PTDSS2: variants seen among roughly 807,000 people sequenced by gnomAD.
PTDSS2 encodes phosphatidylserine synthase 2, also known as PSS-2.
Under a neutral mutation model 64.7 loss-of-function variants are expected in PTDSS2, and 41 were observed. That is an observed-to-expected ratio of 0.63 (90% CI 0.49 to 0.82). The LOEUF is 0.82. PTDSS2 is among the 40% of genes least tolerant of loss of function. The pLI is 0.00. For missense variants in PTDSS2, 485 were observed against 650.0 expected, an observed-to-expected ratio of 0.75 and a Z score of 2.76; for synonymous variants, 297 against 277.8, an observed-to-expected ratio of 1.07 and a Z score of -0.69.
intron 2 of PTDSS2, among the ~76,000 whole-genome samples, chr11:465,983 G>A (rs762268666): frequency 3.3e-5 from 5 of 152,124 alleles, no homozygotes; most frequent in Admixed American, 6.6e-5. Context: ...TTAAGGGAAC[G>A]AAAAGGTGAG....
chr11:469,299 G>C (rs1170442333), intron 2 of PTDSS2, among the ~76,000 whole-genome samples: 20 of 101,820 alleles, frequency 2.0e-4, no homozygotes, highest in East Asian at 6.3e-4. Flanking sequence ...AGGAGGAGGG[G>C]AGTCTCTGGG....
At chr11:472,594 G>A (rs899557278) in intron 2 of PTDSS2, among the ~76,000 whole-genome samples, 7 of 152,096 alleles carry the variant, frequency 4.6e-5, no homozygotes, top group South Asian at 2.1e-4. Context: ...CCCTTGTCCC[G>A]GCTGCACCAG....
intron 1 of PTDSS2, among the ~76,000 whole-genome samples, chr11:457,248 A>G (rs901602428): frequency 7.2e-5 from 11 of 152,338 alleles, no homozygotes; most frequent in Middle Eastern, 3.4e-3. Context: ...ACCCACGTGC[A>G]GGTGACACGC....
rs774874893 is a variant in PTDSS2, at chr11:490,549, G to A, written c.1431G>A (p.Val477=). 79 of 1,609,240 alleles carry A rather than the reference G, an allele frequency of 4.9e-5. No homozygotes were observed. The Admixed American group carries it at 1.3e-3, about 27-fold the overall frequency. Reference sequence around the variant, plus strand: ...ACGAAGACCTGCTGGGGCCTGGGGTGGCCGAGGGCGAGGGAGCACCAACTC... The same window carrying A: ...ACGAAGACCTGCTGGGGCCTGGGGTAGCCGAGGGCGAGGGAGCACCAACTC... ...GLDEDLLGPG[V]AEGEGAPTPN is the part of the protein sequence containing the mutation. The change falls in exon 12 of 12, where the codon GTG becomes GTA. Residue 477 remains valine, a synonymous_variant. Transcript: ENST00000308020.
chr11:475,866 G>C (rs1332460364), intron 3 of PTDSS2, among the ~76,000 whole-genome samples: 1 of 152,204 alleles, frequency 6.6e-6, no homozygotes, highest in Admixed American at 6.5e-5. Context: ...AAACTAGGCT[G>C]TGGTGAATTT....
chr11:454,053 C>T (rs1049900459), intron 1 of PTDSS2, among the ~76,000 whole-genome samples: 33 of 152,238 alleles, frequency 2.2e-4, no homozygotes, highest in African/African-American at 7.7e-4. Context: ...TTGAGAGTCT[C>T]ATGCTATCTT....
Position 460,541 on chromosome 11 carries a change from C to T in PTDSS2, c.284+253C>T, listed in dbSNP as rs1240202478. The T allele has an allele frequency of 4.2e-6, 2 of 474,446 alleles. No homozygotes were observed. Among genetic ancestry groups the T allele is most frequent in the Non-Finnish European group, 7.7e-6 (2 of 259,142 alleles). 29.4% of individuals were successfully genotyped at this position (474,446 alleles called of 1,614,324 possible). On this transcript the variant is annotated intron_variant, in intron 2 of 11. Transcript: ENST00000308020. This position sits in a 1 kb window ranked among gnomAD's most constrained non-coding sequence, Gnocchi z 5.8. ...GTCTGTGTCATCTCCACGTGACCGGCAGCCTGTGCTGCGTTTCCTCTGAGT... is the reference window on the plus strand; with the variant it reads ...GTCTGTGTCATCTCCACGTGACCGGTAGCCTGTGCTGCGTTTCCTCTGAGT...
Position 487,789 on chromosome 11 carries a change from A to AG in PTDSS2, c.621+320dup, listed in dbSNP as rs1237037991. Among the ~76,000 whole-genome samples, 47 of 152,212 alleles carry AG rather than the reference A, an allele frequency of 3.1e-4. 1 individual carries two copies. Among genetic ancestry groups the AG allele is most frequent in the Admixed American group, 3.1e-3 (47 of 15,292 alleles). ...ACCCTGTGCTACCTATGGGGCTAAG[A>AG]GCAGTGCCTGCTTGACCCTGCAGCC... On this transcript the variant is annotated intron_variant, in intron 6 of 11. Coordinates refer to ENST00000308020, the MANE Select transcript of PTDSS2 (RefSeq NM_030783.3).
chr11:450,162 G>C (rs1004546482), upstream of PTDSS2: 1 of 307,238 alleles, frequency 3.3e-6, no homozygotes, highest in African/African-American at 2.2e-5. Flanking sequence ...CTCAGCCGCA[G>C]GGCGGTCCGG....
intron 1 of PTDSS2, among the ~76,000 whole-genome samples, chr11:457,326 C>T (rs1208300819): frequency 6.6e-6 from 1 of 152,266 alleles, no homozygotes; most frequent in Non-Finnish European, 1.5e-5. Flanking sequence ...GTCTCCGCTC[C>T]AGTCTGCTTT....
In PTDSS2 at chr11:462,571, G is replaced by A. The variant is rs1296600469; in HGVS notation, c.284+2283G>A. On this transcript the variant is annotated intron_variant, in intron 2 of 11. Transcript: ENST00000308020. The surrounding 1 kb of genome is among the most constrained non-coding windows in gnomAD (Gnocchi z 4.5). ...CTCTGGGCTCCTTCCTGGAAGGCTC[G>A]GCTGCCCCAGGTCACCCTGGCACTG... 6.6e-6 allele frequency among the ~76,000 whole-genome samples: 1 copy of A among 152,128 alleles called. No homozygotes were observed. The highest frequency in any genetic ancestry group is 6.5e-5 in the Admixed American group (1 of 15,278).
chr11:452,581 G>A (rs527826047), intron 1 of PTDSS2, among the ~76,000 whole-genome samples: 2 of 152,310 alleles, frequency 1.3e-5, no homozygotes, highest in South Asian at 2.1e-4. Flanking sequence ...CGGGTGCAGC[G>A]GGGCTGGCTG....
In PTDSS2 at chr11:479,646, G is replaced by T. The variant is rs1428688761; in HGVS notation, c.435+494G>T. Among the ~76,000 whole-genome samples, 1 of 152,220 alleles carries T rather than the reference G, an allele frequency of 6.6e-6. No homozygotes were observed. Among genetic ancestry groups the T allele is most frequent in the East Asian group, 1.9e-4 (1 of 5,188 alleles). ...CTCAGAGGGGACCCCAGCGCCAAGA[G>T]GGACGGGGTCTTTGTTTTTGTGTTT... On this transcript the variant is annotated intron_variant, in intron 4 of 11. Coordinates refer to ENST00000308020, the MANE Select transcript of PTDSS2 (RefSeq NM_030783.3). This position sits in a 1 kb window ranked among gnomAD's most constrained non-coding sequence, Gnocchi z 4.2.
chr11:460,376 C>T lies in PTDSS2; in HGVS notation c.284+88C>T. The T allele has an allele frequency of 9.3e-7, 1 of 1,073,464 alleles. No homozygotes were observed. Among genetic ancestry groups the T allele is most frequent in the Non-Finnish European group, 1.4e-6 (1 of 710,568 alleles). 66.5% of individuals were successfully genotyped at this position (1,073,464 alleles called of 1,614,324 possible). Reference sequence around the variant, plus strand: ...CCCTTACTGCTCGGGCTGCCGGGGGCTCAGAAGGCCTTCACCAGAGGGCTG... The same window carrying T: ...CCCTTACTGCTCGGGCTGCCGGGGGTTCAGAAGGCCTTCACCAGAGGGCTG... On this transcript the variant is annotated intron_variant, in intron 2 of 11. Coordinates refer to ENST00000308020, the MANE Select transcript of PTDSS2 (RefSeq NM_030783.3). The surrounding 1 kb of genome is among the most constrained non-coding windows in gnomAD (Gnocchi z 5.8).
Position 460,628 on chromosome 11 carries a change from G to A in PTDSS2, c.284+340G>A, listed in dbSNP as rs967474447. On this transcript the variant is annotated intron_variant, in intron 2 of 11. Transcript: ENST00000308020. This position sits in a 1 kb window ranked among gnomAD's most constrained non-coding sequence, Gnocchi z 5.8. ...CAGGGCTGAGCCCTTGAGTTTGGGC[G>A]TCTCCGGGGGTGAGGTTCCTGCGGT... 79 of 231,832 alleles carry A rather than the reference G, an allele frequency of 3.4e-4. No individual in the cohort carries two copies. Among genetic ancestry groups the A allele is most frequent in the Non-Finnish European group, 1.9e-4 (22 of 116,310 alleles). The allele number at this position is 231,832 out of a possible 1,614,324, so 14.4% of individuals were successfully genotyped here.
chr11:476,577 A>G lies in PTDSS2; in HGVS notation c.368-2508A>G, dbSNP rs1010606413. Among the ~76,000 whole-genome samples the G allele has an allele frequency of 3.3e-5, 5 of 152,150 alleles. No homozygotes were observed. Among genetic ancestry groups the G allele is most frequent in the African/African-American group, 1.2e-4 (5 of 41,436 alleles). The stretch of plus-strand genomic sequence containing the variant: ...TGGGACAGACTGGTCAGCAGGCAGC[A>G]GCTTGTCCTGGCATGTGACCCCTGG... On this transcript the variant is annotated intron_variant, in intron 3 of 11. Transcript: ENST00000308020. This position sits in a 1 kb window ranked among gnomAD's most constrained non-coding sequence, Gnocchi z 4.9.
intron 8 of PTDSS2, 33 bp downstream of exon 8, chr11:488,680 G>A: frequency 2.0e-6 from 3 of 1,512,190 alleles, no homozygotes; most frequent in Non-Finnish European, 2.8e-6. Flanking sequence ...GCAGGGCCGG[G>A]TGGGGGTTAC....
intron 2 of PTDSS2, among the ~76,000 whole-genome samples, 154 bp from the exon 3 acceptor site, chr11:473,741 C>T (rs1332052467): frequency 6.6e-6 from 1 of 152,242 alleles, no homozygotes; most frequent in Non-Finnish European, 1.5e-5. Flanking sequence ...GCTTTCCCCG[C>T]GGCGGAGTCG....
intron 1 of PTDSS2, among the ~76,000 whole-genome samples, chr11:453,707 G>A (rs1338100477): frequency 3.3e-5 from 5 of 152,350 alleles, no homozygotes; most frequent in African/African-American, 7.2e-5. Flanking sequence ...GGAGCCTCTC[G>A]CAGGCCTTGG....
Sources: allele counts gnomAD v4.1 joint callset (sites outside exome capture counted in the v4.1 genomes callset), GRCh38; gene constraint gnomAD v4.1.1; non-coding constraint Gnocchi (gnomAD v3.1); transcripts MANE v1.5; gene names NCBI Gene and HGNC (gene_info 2026-07-23, HGNC 2026-07-21).